The following USH2A variants were observed in gnomAD, a reference collection of about 807,000 sequenced individuals.
USH2A encodes usherin.
In USH2A, 443 loss-of-function variants were observed where a neutral mutation model predicts 538.9. The observed-to-expected ratio is 0.82, with a 90% confidence interval of 0.76 to 0.89. The LOEUF (loss-of-function observed/expected upper bound fraction) is 0.89, where lower values mean the gene tolerates loss of function less well. Ranked by LOEUF, USH2A falls within the 40% of genes least tolerant of loss-of-function variation. USH2A has a pLI of 0.00. For missense variants in USH2A, 6,633 were observed against 6,324.8 expected, an observed-to-expected ratio of 1.05 and a Z score of -1.65; for synonymous variants, 2,413 against 2,273.5, an observed-to-expected ratio of 1.06 and a Z score of -1.75.
At chr1:215,995,680 G>T (rs1013141141) in intron 34 of USH2A, among the ~76,000 whole-genome samples, 2 of 152,084 alleles carry the variant, frequency 1.3e-5, no homozygotes, top group African/African-American at 4.8e-5. Flanking sequence ...AAATAGCAAG[G>T]TCTTTGAAAG....
At chr1:215,909,756 A>G (rs1299842295) in intron 38 of USH2A, among the ~76,000 whole-genome samples, 2 of 151,974 alleles carry the variant, frequency 1.3e-5, no homozygotes, top group African/African-American at 4.8e-5. Flanking sequence ...GATCACTGGG[A>G]GAAGCACAAA....
chr1:216,030,057 T>TAC lies in USH2A; in HGVS notation c.6325+16373_6325+16374insGT, dbSNP rs1365192333. On this transcript the variant is annotated intron_variant, in intron 32 of 71. Coordinates refer to ENST00000307340, the MANE Select transcript of USH2A (RefSeq NM_206933.4). ...TATATAATATATGGTATATATGATA[T>TAC]ATCACAGATATATAATATATGATAT... is the stretch of plus-strand genomic sequence containing the variant. 4.1e-5 allele frequency among the ~76,000 whole-genome samples: 6 copies of TAC among 146,556 alleles called. No individual in the cohort carries two copies. The East Asian group carries it at 9.9e-4, about 24-fold the overall frequency.
In USH2A at chr1:216,321,993, C is replaced by T. The variant is rs1304504921; in HGVS notation, c.1551-17G>A. Reference sequence around the variant, plus strand: ...CACTGACATCTGCAAACATGAGCATCACACACTCCTAAGGAACACCAACTC... The same window carrying T: ...CACTGACATCTGCAAACATGAGCATTACACACTCCTAAGGAACACCAACTC... On this transcript the variant is annotated splice_polypyrimidine_tract_variant and intron_variant, in intron 8 of 71. Coordinates refer to ENST00000307340, the MANE Select transcript of USH2A (RefSeq NM_206933.4). The T allele has an allele frequency of 6.2e-7, 1 of 1,612,868 alleles. No homozygotes were observed. Among genetic ancestry groups the T allele is most frequent in the Non-Finnish European group, 8.5e-7 (1 of 1,178,980 alleles).
chr1:216,069,331 G>C (rs561401779), intron 30 of USH2A, among the ~76,000 whole-genome samples: 2 of 152,294 alleles, frequency 1.3e-5, no homozygotes, highest in African/African-American at 4.8e-5. Flanking sequence ...AGTCTTGAGG[G>C]AATTGACCAA....
intron 21 of USH2A, among the ~76,000 whole-genome samples, chr1:216,128,199 T>C (rs1408344461): frequency 2.6e-5 from 4 of 152,168 alleles, no homozygotes; most frequent in African/African-American, 9.6e-5. Flanking sequence ...TAAAAGTTGA[T>C]TGAAAATTTA....
chr1:216,330,448 A>G (rs560001523), intron 4 of USH2A, among the ~76,000 whole-genome samples: 2 of 152,138 alleles, frequency 1.3e-5, no homozygotes, highest in Admixed American at 1.3e-4. Flanking sequence ...GGAATGAGTC[A>G]TACGTATATC....
intron 71 of USH2A, 32 bp from the exon 72 acceptor site, chr1:215,625,902 T>C (rs781681027): frequency 1.3e-6 from 2 of 1,579,568 alleles, no homozygotes; most frequent in South Asian, 2.2e-5. Context: ...ATTGGCTACA[T>C]ACTTGCTATC....
In USH2A at chr1:215,675,038, A is replaced by C. The variant is rs1364615962; in HGVS notation, c.12873T>G (p.Ser4291=). The change falls in exon 63 of 72, where the codon TCT becomes TCG. Residue 4291 remains serine, a synonymous_variant. Transcript: ENST00000307340. The part of the protein sequence containing the change: ...LLISWIPPEQ[S]NGIIQSYRLQ... ...GCCTATAGGACTGGATAATACCATT[A>C]GACTGTTCTGGTGGGATCCAGGAAA... 1 of 1,614,216 alleles carries C rather than the reference A, an allele frequency of 6.2e-7. No individual in the cohort carries two copies. Among genetic ancestry groups the C allele is most frequent in the African/African-American group, 1.3e-5 (1 of 75,070 alleles).
At chr1:215,875,788 G>A (rs538417535) in intron 43 of USH2A, among the ~76,000 whole-genome samples, 12 of 150,092 alleles carry the variant, frequency 8.0e-5, no homozygotes, top group Non-Finnish European at 1.5e-4. Context: ...GTCACAGGAA[G>A]CTACTATTTG....
chr1:215,723,620 T>C (rs1366592666), intron 61 of USH2A, among the ~76,000 whole-genome samples: 3 of 152,224 alleles, frequency 2.0e-5, no homozygotes, highest in Admixed American at 6.5e-5. Flanking sequence ...GTTGTGGGGA[T>C]GGACTCTGTG....
intron 62 of USH2A, among the ~76,000 whole-genome samples, chr1:215,678,955 G>A (rs1435112125): frequency 6.6e-6 from 1 of 152,206 alleles, no homozygotes. Context: ...GAAGTGCTTT[G>A]AGGGAAAAGG....
chr1:216,071,000 CCCT>C (rs2031540947), intron 29 of USH2A, among the ~76,000 whole-genome samples: 1 of 152,078 alleles, frequency 6.6e-6, no homozygotes, highest in African/African-American at 2.4e-5. Context: ...AAGCTGAGCC[CCCT>C]AATTTAAAAA....
In USH2A at chr1:216,406,855, A is replaced by G. The variant is rs766181033; in HGVS notation, c.651+11659T>C. Among the ~76,000 whole-genome samples, 44 of 152,280 alleles carry G rather than the reference A, an allele frequency of 2.9e-4. No individual in the cohort carries two copies. In the Middle Eastern group the frequency reaches 0.017, roughly 59 times the overall value. ...AATGGTTGCATGGAACATTTTGGCC[A>G]AATAACTGGAATAACACAATGGGTT... On this transcript the variant is annotated intron_variant, in intron 3 of 71. Transcript: ENST00000307340.
chr1:215,842,048 G>A (rs1013320653), intron 46 of USH2A, among the ~76,000 whole-genome samples: 4 of 152,180 alleles, frequency 2.6e-5, no homozygotes, highest in Non-Finnish European at 5.9e-5. Context: ...ACTTGGCTGG[G>A]TGCAGTGGCT....
At chr1:216,235,107 C>T (rs2035780926) in intron 13 of USH2A, among the ~76,000 whole-genome samples, 2 of 152,128 alleles carry the variant, frequency 1.3e-5, no homozygotes, top group African/African-American at 2.4e-5. Context: ...CCTGAATGTG[C>T]CTAATTCTAG....
At chr1:215,953,950 G>A (rs1231671190) in intron 37 of USH2A, among the ~76,000 whole-genome samples, 4 of 152,100 alleles carry the variant, frequency 2.6e-5, no homozygotes, top group Non-Finnish European at 4.4e-5. Flanking sequence ...GCAGCCAAAG[G>A]ACACATGAAA....
At chr1:215,682,756 A>T in intron 61 of USH2A, among the ~76,000 whole-genome samples, 1 of 151,470 alleles carries the variant, frequency 6.6e-6, no homozygotes. Context: ...CATGTATCTA[A>T]AAAAAAAAGG....
At chr1:216,204,101 C>A in intron 16 of USH2A, 1 of 155,206 alleles carries the variant, frequency 6.4e-6, no homozygotes. Context: ...ATTTGATCTG[C>A]CTACTATGTC....
At chr1:215,841,959 A>G (rs192265562) in intron 46 of USH2A, among the ~76,000 whole-genome samples, 11 of 152,294 alleles carry the variant, frequency 7.2e-5, no homozygotes, top group Admixed American at 5.2e-4. Context: ...TTATATTAAA[A>G]AGAGGTAAAA....
Sources: gnomAD v4.1 joint callset for allele counts (sites outside exome capture counted in the v4.1 genomes callset) on GRCh38, gnomAD v4.1.1 for gene constraint, MANE v1.5 for transcripts, NCBI Gene and HGNC (gene_info 2026-07-23, HGNC 2026-07-21) for gene names.